SLC12A1: variants seen among roughly 807,000 people sequenced by gnomAD.
SLC12A1 encodes the protein solute carrier family 12 member 1, also known as Na-K-2Cl cotransporter.
Under a neutral mutation model 130.4 loss-of-function variants are expected in SLC12A1, and 89 were observed. The observed-to-expected ratio is 0.68, with a 90% CI of 0.58 to 0.81. The LOEUF (loss-of-function observed/expected upper bound fraction) is 0.81. Among genes scored for constraint, SLC12A1 ranks in the 40% least tolerant of loss-of-function variants. The pLI is 0.00. For synonymous variants in SLC12A1, 499 were observed against 460.0 expected (o/e 1.08, Z -1.09); for missense variants, 1,310 against 1,336.4 (o/e 0.98, Z 0.31).
chr15:48,280,075 C>T (rs2041995233), intron 20 of SLC12A1, among the ~76,000 whole-genome samples: 1 of 151,304 alleles, frequency 6.6e-6, no homozygotes, highest in Non-Finnish European at 1.5e-5. Flanking sequence ...CCTGCTCTCC[C>T]TTCTGGTGTC....
At chr15:48,230,297 G>A (rs530626371) in intron 6 of SLC12A1, 96 bp from the exon 7 acceptor site, 5 of 718,986 alleles carry the variant, frequency 7.0e-6, no homozygotes, top group Non-Finnish European at 1.2e-5. Flanking sequence ...GGCCCCAGGT[G>A]TAATTGTATA....
chr15:48,264,928 T>G (rs1166361120), intron 17 of SLC12A1, among the ~76,000 whole-genome samples: 1 of 152,170 alleles, frequency 6.6e-6, no homozygotes, highest in Non-Finnish European at 1.5e-5. Context: ...TTATAATATA[T>G]ACAAGATTTT....
chr15:48,302,477 G>A (rs1218663210), intron 26 of SLC12A1, among the ~76,000 whole-genome samples: 7 of 150,336 alleles, frequency 4.7e-5, no homozygotes, highest in African/African-American at 9.8e-5. Context: ...AAAATTAGCC[G>A]GGCGCGGTGG....
At chr15:48,221,571 T>C (rs2041216751) in intron 4 of SLC12A1, 1 of 447,288 alleles carries the variant, frequency 2.2e-6, no homozygotes, top group African/African-American at 2.0e-5. Context: ...TGCATTACTG[T>C]TATTTTTTTC....
chr15:48,250,402 T>A (rs535687900), intron 14 of SLC12A1, among the ~76,000 whole-genome samples: 1 of 152,264 alleles, frequency 6.6e-6, no homozygotes, highest in South Asian at 2.1e-4. Flanking sequence ...TTGCTGCCAA[T>A]AAGACAAAAT....
chr15:48,234,075 C>T (rs1597413606), intron 8 of SLC12A1, among the ~76,000 whole-genome samples: 1 of 152,144 alleles, frequency 6.6e-6, no homozygotes, highest in Non-Finnish European at 1.5e-5. Flanking sequence ...GAGATTCATG[C>T]ATTAGTAGCA....
intron 21 of SLC12A1, among the ~76,000 whole-genome samples, chr15:48,286,200 A>G (rs1012278856): frequency 9.2e-5 from 14 of 152,124 alleles, no homozygotes; most frequent in Non-Finnish European, 2.1e-4. Context: ...CAAGGACGAA[A>G]TTTCACCTGT....
intron 25 of SLC12A1, among the ~76,000 whole-genome samples, chr15:48,300,219 T>C (rs1301238192): frequency 6.6e-6 from 1 of 151,422 alleles, no homozygotes; most frequent in East Asian, 1.9e-4. Context: ...TGGTCCCAGC[T>C]ACTTGGGAGG....
chr15:48,225,976 T>A (rs2041280487), intron 4 of SLC12A1: 1 of 769,948 alleles, frequency 1.3e-6, no homozygotes, highest in Admixed American at 6.3e-5. Context: ...CGCACCATCA[T>A]TTGTAAGGTA....
chr15:48,266,170 GGACAAATGGCA>G (rs2041829861), intron 17 of SLC12A1, among the ~76,000 whole-genome samples: 1 of 152,152 alleles, frequency 6.6e-6, no homozygotes, highest in Non-Finnish European at 1.5e-5. Flanking sequence ...CCTCAAGAGA[GGACAAATGGCA>G]GACCCAGGGT....
At chr15:48,216,515 C>A (rs942896215) in intron 2 of SLC12A1, among the ~76,000 whole-genome samples, 1 of 152,130 alleles carries the variant, frequency 6.6e-6, no homozygotes, top group African/African-American at 2.4e-5. Context: ...AGGTTTTATT[C>A]CCAAGACCAT....
At chr15:48,251,329 G>A (rs2041645921) in intron 14 of SLC12A1, among the ~76,000 whole-genome samples, 1 of 151,336 alleles carries the variant, frequency 6.6e-6, no homozygotes, top group South Asian at 2.1e-4. Context: ...TTAAGGTTTG[G>A]AAGTTTGGGA....
Position 48,207,910 on chromosome 15 carries a change from C to T in SLC12A1, c.191C>T (p.Pro64Leu). ...AAAAGACTCAGAATCAGCTTTAGGC[C>T]TGGGAATCAGGAGTGCTATGACAAT... ...AQKRLRISFR[P>L]GNQECYDNFL... is the part of the protein sequence containing the mutation. Residue 64 changes from proline (P) to leucine (L), a missense_variant, in exon 2 of 27, where the codon CCT (proline) becomes CTT (leucine). Pro to Leu is a moderately conservative substitution (Grantham distance 98). Coordinates refer to ENST00000380993, the MANE Select transcript of SLC12A1 (RefSeq NM_000338.3). 1.2e-6 allele frequency: 2 copies of T among 1,614,002 alleles called. No homozygotes were observed. The highest frequency in any genetic ancestry group is 2.2e-5 in the East Asian group (1 of 44,884).
intron 2 of SLC12A1, among the ~76,000 whole-genome samples, chr15:48,217,212 A>T (rs1273963505): frequency 6.6e-6 from 1 of 152,244 alleles, no homozygotes; most frequent in Non-Finnish European, 1.5e-5. Flanking sequence ...AAATACTTAT[A>T]TTGCAAATAT....
rs998738271 is a variant in SLC12A1 at position 48,231,788 on chromosome 15, C to T, written c.976-939C>T. On this transcript the variant is annotated intron_variant, in intron 7 of 26. Coordinates refer to ENST00000380993, the MANE Select transcript of SLC12A1 (RefSeq NM_000338.3). ...ATCCCAGCACTTTGGGAGGCTGAGG[C>T]GGGCAGATCACGAGGTCAGGAGTTC... is the stretch of plus-strand genomic sequence containing the variant. Among the ~76,000 whole-genome samples, 8 of 152,220 alleles carry T rather than the reference C, an allele frequency of 5.3e-5. No homozygotes were observed. The East Asian group carries it at 7.7e-4, about 15-fold the overall frequency.
At chr15:48,214,310 A>G (rs1381427046) in intron 2 of SLC12A1, among the ~76,000 whole-genome samples, 1 of 152,224 alleles carries the variant, frequency 6.6e-6, no homozygotes, top group African/African-American at 2.4e-5. Context: ...TTTATTATAA[A>G]TAGTTTAGTA....
chr15:48,286,313 C>T (rs1172958698), intron 21 of SLC12A1, among the ~76,000 whole-genome samples: 1 of 152,174 alleles, frequency 6.6e-6, no homozygotes, highest in Non-Finnish European at 1.5e-5. Flanking sequence ...ACCCCATGGG[C>T]CGTGGCCTAC....
intron 9 of SLC12A1, chr15:48,236,964 C>T (rs933056127): frequency 6.5e-5 from 45 of 694,494 alleles, no homozygotes; most frequent in Non-Finnish European, 9.9e-5. Context: ...AGCTGGCCCT[C>T]ACTGAGTGCC....
intron 13 of SLC12A1, 129 bp downstream of exon 13, chr15:48,247,589 G>A: frequency 1.4e-6 from 1 of 710,736 alleles, no homozygotes; most frequent in Admixed American, 3.0e-5. Context: ...TGGCATCTAA[G>A]AAGGAAATGA....
Sources: allele counts gnomAD v4.1 joint callset (sites outside exome capture counted in the v4.1 genomes callset), GRCh38; gene constraint gnomAD v4.1.1; transcripts MANE v1.5; gene names NCBI Gene and HGNC (gene_info 2026-07-23, HGNC 2026-07-21).